Variants in TSNARE1 observed in about 807,000 individuals in gnomAD.
TSNARE1 encodes the protein t-SNARE domain-containing protein 1.
Under a neutral mutation model 62.0 loss-of-function variants are expected in TSNARE1, and 49 were observed. The ratio of observed to expected loss-of-function variants is 0.79; its 90% CI spans 0.63 to 1.00. The LOEUF (loss-of-function observed/expected upper bound fraction) is 1.00. TSNARE1 is among the 50% of genes least tolerant of loss of function. The probability of loss-of-function intolerance (pLI) is 0.00; values close to 1 mark genes in which losing one functional copy is unlikely to be tolerated. For missense variants in TSNARE1, 755 were observed against 700.1 expected, an observed-to-expected ratio of 1.08 and a Z score of -0.88; for synonymous variants, 328 against 294.4, an observed-to-expected ratio of 1.11 and a Z score of -1.17.
chr8:142,251,152 A>C (rs541992939), intron 12 of TSNARE1, among the ~76,000 whole-genome samples: 46 of 152,228 alleles, frequency 3.0e-4, no homozygotes, highest in African/African-American at 1.0e-3. Flanking sequence ...GTTCCAGCCC[A>C]GTGCATTTGG....
At chr8:142,374,936 C>G (rs1836213759) in intron 1 of TSNARE1, among the ~76,000 whole-genome samples, 1 of 152,192 alleles carries the variant, frequency 6.6e-6, no homozygotes, top group Non-Finnish European at 1.5e-5. Flanking sequence ...CAGAACCCGC[C>G]AGGGACCCGG....
At chr8:142,342,769 G>A (rs1477118254) in intron 4 of TSNARE1, among the ~76,000 whole-genome samples, 2 of 147,008 alleles carry the variant, frequency 1.4e-5, no homozygotes, top group African/African-American at 2.5e-5. Context: ...CACCTGTCTG[G>A]GCCCACCACA....
intron 13 of TSNARE1, among the ~76,000 whole-genome samples, chr8:142,226,336 C>T (rs1043776118): frequency 5.3e-5 from 8 of 152,154 alleles, no homozygotes; most frequent in African/African-American, 9.7e-5. Context: ...ATGCAGCCTG[C>T]GTCACAGAGG....
chr8:142,344,603 C>T, intron 3 of TSNARE1, 131 bp from the exon 4 acceptor site: 1 of 977,450 alleles, frequency 1.0e-6, no homozygotes, highest in Non-Finnish European at 1.4e-6. Flanking sequence ...CTGGCCACCA[C>T]CCCTCCCTGC....
intron 1 of TSNARE1, among the ~76,000 whole-genome samples, chr8:142,355,615 GT>G (rs1834663893): frequency 6.6e-6 from 1 of 152,192 alleles, no homozygotes; most frequent in African/African-American, 2.4e-5. Flanking sequence ...TCCTCCCTGT[GT>G]GCAGGGGTCC....
chr8:142,273,645 C>A (rs935910450), intron 12 of TSNARE1: 1 of 985,390 alleles, frequency 1.0e-6, no homozygotes, highest in South Asian at 4.7e-5. Context: ...TGGCCCCCGA[C>A]AGAAATGGGG....
At chr8:142,326,009 C>A in intron 6 of TSNARE1, 1 of 152,854 alleles carries the variant, frequency 6.5e-6, no homozygotes, top group Non-Finnish European at 1.4e-5. Flanking sequence ...GAACCAGCAC[C>A]AGCGAAGGGG....
intron 12 of TSNARE1, among the ~76,000 whole-genome samples, chr8:142,233,319 C>A (rs970595362): frequency 1.3e-5 from 2 of 152,160 alleles, no homozygotes; most frequent in Non-Finnish European, 2.9e-5. Flanking sequence ...AGGACCCAAG[C>A]GGGGTTTTTG....
intron 7 of TSNARE1, 74 bp downstream of exon 7, chr8:142,318,470 A>G: frequency 2.1e-6 from 3 of 1,440,764 alleles, no homozygotes; most frequent in Non-Finnish European, 2.9e-6. Flanking sequence ...GCCTCGTGTG[A>G]CATCCCTGCT....
rs1288359067 is a variant in TSNARE1, at chr8:142,319,694, G to A, written c.894-1060C>T. Among the ~76,000 whole-genome samples, 4 of 152,116 alleles carry A rather than the reference G, an allele frequency of 2.6e-5. No homozygotes were observed. The highest frequency in any genetic ancestry group is 9.7e-5 in the African/African-American group (4 of 41,440). On this transcript the variant is annotated intron_variant, in intron 6 of 13. Coordinates refer to ENST00000524325, the MANE Select transcript of TSNARE1 (RefSeq NM_145003.5). This position sits in a 1 kb window ranked among gnomAD's most constrained non-coding sequence, Gnocchi z 4.9. ...GGGCCGACACGTGGGAGCGAGCCTG[G>A]CACCACCACTGCAGGCCAAGCCTAC...
intron 13 of TSNARE1, among the ~76,000 whole-genome samples, chr8:142,217,199 G>A (rs1164741882): frequency 1.3e-5 from 2 of 151,380 alleles, no homozygotes; most frequent in Non-Finnish European, 1.5e-5. Context: ...AGCCGAGATA[G>A]GGCCACTGCA....
At chr8:142,269,984 T>C in intron 12 of TSNARE1, 1 of 985,456 alleles carries the variant, frequency 1.0e-6, no homozygotes, top group Non-Finnish European at 1.2e-6. Context: ...CTCTCGGCTG[T>C]GCCAGAGCTT....
Position 142,291,009 on chromosome 8 carries a change from T to C in TSNARE1, c.1291-6524A>G, listed in dbSNP as rs1823649192. 6.6e-6 allele frequency among the ~76,000 whole-genome samples: 1 copy of C among 152,104 alleles called. No individual in the cohort carries two copies. Among genetic ancestry groups the C allele is most frequent in the Non-Finnish European group, 1.5e-5 (1 of 68,010 alleles). On this transcript the variant is annotated intron_variant, in intron 10 of 13. Transcript: ENST00000524325. This position sits in a 1 kb window ranked among gnomAD's most constrained non-coding sequence, Gnocchi z 4.8. ...CTCTGGACCAGTGCCCCGGTGAGCCTGCTGCACGCTGGCAGTGGACTGAAG... is the reference window on the plus strand; with the variant it reads ...CTCTGGACCAGTGCCCCGGTGAGCCCGCTGCACGCTGGCAGTGGACTGAAG...
Position 142,315,004 on chromosome 8 carries a change from T to A in TSNARE1, c.1073A>T (p.Lys358Met). ...DAIQCYGVVQ[K>M]KIAEKSRALL... ...CCACTGCCCCCACCAGCACCTCACC[T>A]TCTGCACCACTCCATAGCACTGAAT... The change falls in exon 8 of 14, where the codon AAG (lysine) becomes ATG (methionine). Residue 358 changes from lysine (K) to methionine (M), a missense_variant and splice_region_variant. Lys to Met is a moderately conservative substitution (Grantham distance 95). Transcript: ENST00000524325. The A allele has an allele frequency of 6.2e-7, 1 of 1,614,028 alleles. No individual in the cohort carries two copies.
chr8:142,229,398 G>C lies in TSNARE1; in HGVS notation c.*11+75C>G, dbSNP rs372117230. The C allele has an allele frequency of 5.0e-6, 6 of 1,192,190 alleles. No homozygotes were observed. The African/African-American group carries it at 9.0e-5, about 18-fold the overall frequency. 73.9% of individuals were successfully genotyped at this position (1,192,190 alleles called of 1,614,324 possible). Reference sequence around the variant, plus strand: ...TGGATGGATGGTGGATGGTTAGATGGATGGTGGATAGGTGAATGAATGGAT... The same window carrying C: ...TGGATGGATGGTGGATGGTTAGATGCATGGTGGATAGGTGAATGAATGGAT... On this transcript the variant is annotated intron_variant, in intron 13 of 13. Coordinates refer to ENST00000524325, the MANE Select transcript of TSNARE1 (RefSeq NM_145003.5).
At chr8:142,221,978 C>CATTT (rs1816279033) in intron 13 of TSNARE1, among the ~76,000 whole-genome samples, 1 of 83,564 alleles carries the variant, frequency 1.2e-5, no homozygotes, top group African/African-American at 3.3e-5. Context: ...CTCATCCACT[C>CATTT]ACTCACTCAT....
At chr8:142,324,523 C>T (rs896497519) in intron 6 of TSNARE1, among the ~76,000 whole-genome samples, 1 of 150,310 alleles carries the variant, frequency 6.7e-6, no homozygotes, top group Non-Finnish European at 1.5e-5. Context: ...GGGCCAGAAC[C>T]GACCTGAGTA....
chr8:142,293,032 C>T (rs1450412143), intron 10 of TSNARE1, among the ~76,000 whole-genome samples: 1 of 152,132 alleles, frequency 6.6e-6, no homozygotes, highest in Non-Finnish European at 1.5e-5. Context: ...GCTCCAGGAC[C>T]CCACATGAAG....
chr8:142,224,071 C>T (rs1468159212), intron 13 of TSNARE1, among the ~76,000 whole-genome samples: 1 of 152,216 alleles, frequency 6.6e-6, no homozygotes, highest in South Asian at 2.1e-4. Flanking sequence ...TCCTCCTCAT[C>T]CTGGTGTGCA....
Sources: gnomAD v4.1 joint callset for allele counts (sites outside exome capture counted in the v4.1 genomes callset) on GRCh38, gnomAD v4.1.1 for gene constraint, Gnocchi (gnomAD v3.1) non-coding constraint, MANE v1.5 for transcripts, NCBI Gene and HGNC (gene_info 2026-07-23, HGNC 2026-07-21) for gene names.